ERI1: variants seen among roughly 807,000 people sequenced by gnomAD.
ERI1 encodes the protein 3'-5' exoribonuclease 1.
A neutral mutation model predicts 39.7 loss-of-function variants in ERI1; 39 were observed. The ratio of observed to expected loss-of-function variants is 0.98; its 90% CI spans 0.76 to 1.28. The LOEUF is 1.28. Among genes scored for constraint, ERI1 ranks in the 50% most tolerant of loss-of-function variants. The probability of loss-of-function intolerance (pLI) is 0.00; values close to 1 mark genes in which losing one functional copy is unlikely to be tolerated. For missense variants in ERI1, 581 were observed against 416.9 expected, an observed-to-expected ratio of 1.39 and a Z score of -3.43; for synonymous variants, 204 against 149.6, an observed-to-expected ratio of 1.36 and a Z score of -2.65.
chr8:9,050,660 G>C (rs1485760064), intron 3 of ERI1, among the ~76,000 whole-genome samples: 1 of 152,128 alleles, frequency 6.6e-6, no homozygotes, highest in Non-Finnish European at 1.5e-5. Context: ...GCTTTGATGC[G>C]TATTAATATA....
intron 3 of ERI1, among the ~76,000 whole-genome samples, chr8:9,080,741 C>A (rs77525819): frequency 1.4e-4 from 22 of 152,140 alleles, no homozygotes; most frequent in African/African-American, 4.1e-4. Context: ...TTCATTTGCC[C>A]CTCCCCCAAG....
chr8:9,070,113 C>T (rs1331462070), intron 3 of ERI1, among the ~76,000 whole-genome samples: 3 of 151,962 alleles, frequency 2.0e-5, no homozygotes, highest in Admixed American at 6.6e-5. Context: ...GTGGCAGGCA[C>T]CTGTAATCCC....
Position 9,030,124 on chromosome 8 carries a change from T to G in ERI1, c.*90T>G. 6.7e-7 allele frequency: 1 copy of G among 1,497,708 alleles called. No homozygotes were observed. Among genetic ancestry groups the G allele is most frequent in the Non-Finnish European group, 9.1e-7 (1 of 1,097,586 alleles). The allele number at this position is 1,497,708 out of a possible 1,614,324, so 92.8% of individuals were successfully genotyped here. ...TTGAATTAGTCCTGTAGTGCAAACT[T>G]TAAGCACCTTAAAACATTTAAAATC... is the stretch of plus-strand genomic sequence containing the variant. On this transcript the variant is annotated 3_prime_UTR_variant, in exon 7 of 7. Transcript: ENST00000250263.
At chr8:9,091,115 G>A (rs1799688550) in intron 3 of ERI1, 1 of 152,156 alleles carries the variant, frequency 6.6e-6, no homozygotes, top group South Asian at 2.1e-4. Flanking sequence ...AAATAATGCT[G>A]CAAGTTAATT....
At chr8:9,033,463 T>C (rs778420338), downstream of ERI1, 3 of 152,190 alleles carry the variant, frequency 2.0e-5, no homozygotes, top group Non-Finnish European at 4.4e-5. Flanking sequence ...TCTGGCCCTT[T>C]ATGGAGAAAG....
chr8:9,022,493 G>A (rs1415799083), intron 6 of ERI1, among the ~76,000 whole-genome samples: 3 of 152,086 alleles, frequency 2.0e-5, no homozygotes, highest in Non-Finnish European at 2.9e-5. Context: ...CCTGTCTCTT[G>A]GGTTCAAGCA....
At chr8:9,016,499 T>G (rs1031164168) in intron 4 of ERI1, 94 bp downstream of exon 4, 6 of 639,456 alleles carry the variant, frequency 9.4e-6, no homozygotes, top group Non-Finnish European at 1.5e-5. Flanking sequence ...ATTACTGTTG[T>G]GAACAATTTA....
At chr8:9,011,117 C>T (rs1195133753) in intron 2 of ERI1, among the ~76,000 whole-genome samples, 1 of 152,080 alleles carries the variant, frequency 6.6e-6, no homozygotes, top group Non-Finnish European at 1.5e-5. Flanking sequence ...ATATTTTCAA[C>T]TTAACCCAAA....
chr8:9,028,069 C>G lies in ERI1; in HGVS notation c.808-1723C>G, dbSNP rs931946982. On this transcript the variant is annotated intron_variant, in intron 6 of 6. Coordinates refer to ENST00000250263, the MANE Select transcript of ERI1 (RefSeq NM_153332.4). The stretch of plus-strand genomic sequence containing the variant: ...TGAGGTCTTTGTCAGGCTTTTGTAT[C>G]AAAGTGATGCTGACCTTAATGGAAT... Among the ~76,000 whole-genome samples, 5 of 152,246 alleles carry G rather than the reference C, an allele frequency of 3.3e-5. No individual in the cohort carries two copies. In the East Asian group the frequency reaches 9.6e-4, roughly 29 times the overall value.
At position 9,008,100 on chromosome 8, in the gene ERI1, G is replaced by C; in HGVS notation, c.239G>C (p.Ser80Thr). The change falls in exon 2 of 7, where the codon AGT becomes ACT. Residue 80 changes from serine (S) to threonine (T), a missense_variant. Coordinates refer to ENST00000250263, the MANE Select transcript of ERI1 (RefSeq NM_153332.4). Reference sequence around the variant, plus strand: ...ACGAATGGCTGTATTAATAGAATGAGTAAGGAAGAACTCAGAGCTAAGCTT... The same window carrying C: ...ACGAATGGCTGTATTAATAGAATGACTAAGGAAGAACTCAGAGCTAAGCTT... ...AITNGCINRM[S>T]KEELRAKLSE... 1 of 1,610,830 alleles carries C rather than the reference G, an allele frequency of 6.2e-7. No homozygotes were observed. Among genetic ancestry groups the C allele is most frequent in the African/African-American group, 1.3e-5 (1 of 74,814 alleles).
chr8:9,004,741 C>T lies in ERI1; in HGVS notation c.108+1570C>T, dbSNP rs112197442. On this transcript the variant is annotated intron_variant, in intron 1 of 6. Coordinates refer to ENST00000250263, the MANE Select transcript of ERI1 (RefSeq NM_153332.4). The stretch of plus-strand genomic sequence containing the variant: ...CGTTCTTGTTGCCCAGTCTGGAGTG[C>T]AATGGCATGGTCTCAGCTTACTGCA... Among the ~76,000 whole-genome samples the T allele has an allele frequency of 9.0e-3, 921 of 102,390 alleles. 16 individuals carry two copies. The highest frequency in any genetic ancestry group is 0.033 in the African/African-American group (865 of 26,394). The allele number at this position is 102,390 out of a possible 152,430, so 67.2% of individuals were successfully genotyped here.
intron 3 of ERI1, among the ~76,000 whole-genome samples, chr8:9,095,619 C>T (rs1445592182): frequency 6.6e-6 from 1 of 152,114 alleles, no homozygotes; most frequent in Non-Finnish European, 1.5e-5. Flanking sequence ...CTCCCTGCTT[C>T]AGGTGATCCT....
Position 9,011,539 on chromosome 8 carries a change from T to TAGAGGAGTAAAGGATGTTCAA in ERI1, c.304_305insAAAGAGGAGTAAAGGATGTTC. 1 of 1,589,586 alleles carries TAGAGGAGTAAAGGATGTTCAA rather than the reference T, an allele frequency of 6.3e-7. No homozygotes were observed. Among genetic ancestry groups the TAGAGGAGTAAAGGATGTTCAA allele is most frequent in the Non-Finnish European group, 8.6e-7 (1 of 1,165,704 alleles). On this transcript the variant is annotated splice_region_variant and splice_polypyrimidine_tract_variant and intron_variant, in intron 2 of 6. Coordinates refer to ENST00000250263, the MANE Select transcript of ERI1 (RefSeq NM_153332.4). ...GTGTAACTAGTCTTCTTCTTCTACT[T>TAGAGGAGTAAAGGATGTTCAA]AGAGGAGTAAAGGATGTTCTAAAGA...
At chr8:9,070,375 C>A (rs547316510) in intron 3 of ERI1, among the ~76,000 whole-genome samples, 91 of 152,246 alleles carry the variant, frequency 6.0e-4, no homozygotes, top group African/African-American at 2.2e-3. Flanking sequence ...ATAATCCTAG[C>A]CCTTTGGGAG....
intron 1 of ERI1, among the ~76,000 whole-genome samples, chr8:9,005,606 A>C (rs896063778): frequency 6.9e-5 from 10 of 144,628 alleles, no homozygotes; most frequent in Admixed American, 4.4e-4. Flanking sequence ...GCTCCGCCTC[A>C]CGGGTTCACG....
intron 3 of ERI1, among the ~76,000 whole-genome samples, chr8:9,056,418 G>C (rs1256024052): frequency 6.6e-6 from 1 of 152,216 alleles, no homozygotes; most frequent in Non-Finnish European, 1.5e-5. Flanking sequence ...ACAGAATCGA[G>C]TTGATGAGCC....
chr8:9,020,793 C>T (rs1440915572), intron 6 of ERI1, among the ~76,000 whole-genome samples: 1 of 152,048 alleles, frequency 6.6e-6, no homozygotes, highest in Non-Finnish European at 1.5e-5. Flanking sequence ...ATGCGTGTGC[C>T]GTGTAAATGT....
chr8:9,049,776 C>T (rs1798299271), intron 3 of ERI1: 1 of 152,136 alleles, frequency 6.6e-6, no homozygotes, highest in African/African-American at 2.4e-5. Context: ...CTAGCCCTCC[C>T]AAAGGCCGGA....
At chr8:9,051,185 T>C (rs1370726297) in intron 3 of ERI1, among the ~76,000 whole-genome samples, 1 of 151,844 alleles carries the variant, frequency 6.6e-6, no homozygotes, top group African/African-American at 2.4e-5. Flanking sequence ...TATATATATA[T>C]ATGAAAAGGA....
Sources: gnomAD v4.1 joint callset for allele counts (sites outside exome capture counted in the v4.1 genomes callset) on GRCh38, gnomAD v4.1.1 for gene constraint, MANE v1.5 for transcripts, NCBI Gene and HGNC (gene_info 2026-07-23, HGNC 2026-07-21) for gene names.